PHF24: variants seen among roughly 807,000 people sequenced by gnomAD.
PHF24 encodes the protein Galpha inhibitory interacting protein.
PHF24 carries 25 observed loss-of-function variants against 42.6 expected under a neutral mutation model. The ratio of observed to expected loss-of-function variants is 0.59; its 90% CI spans 0.43 to 0.82. PHF24 has a LOEUF of 0.82. PHF24 is among the 40% of genes least tolerant of loss of function. PHF24 has a pLI of 0.00. For missense variants in PHF24, 470 were observed against 538.1 expected, an observed-to-expected ratio of 0.87 and a Z score of 1.25; for synonymous variants, 185 against 204.8, an observed-to-expected ratio of 0.90 and a Z score of 0.83.
At chr9:34,805,147 A>C in the PHF24 span, among the ~76,000 whole-genome samples, 1 of 152,210 alleles carries the variant, frequency 6.6e-6, no homozygotes, top group Non-Finnish European at 1.5e-5. Flanking sequence ...TTTGGCTATT[A>C]TAAATAATGC....
At chr9:34,665,726 C>T in the PHF24 span, 1 of 699,540 alleles carries the variant, frequency 1.4e-6, no homozygotes, top group East Asian at 2.7e-5. Flanking sequence ...GCCCCAGGTC[C>T]CCTTCTCCGT....
the PHF24 span, among the ~76,000 whole-genome samples, chr9:34,890,162 G>T: frequency 6.6e-6 from 1 of 152,170 alleles, no homozygotes; most frequent in African/African-American, 2.4e-5. Context: ...GATATATTTG[G>T]CAAGTTGTGA....
the PHF24 span, among the ~76,000 whole-genome samples, chr9:34,839,541 T>A: frequency 6.8e-6 from 1 of 147,322 alleles, no homozygotes; most frequent in Non-Finnish European, 1.5e-5. Context: ...TTCTGAATAT[T>A]CTTAGAAGGT....
At chr9:34,971,973 C>T (rs1296835259) in intron 2 of PHF24, among the ~76,000 whole-genome samples, 2 of 152,048 alleles carry the variant, frequency 1.3e-5, no homozygotes, top group African/African-American at 4.8e-5. Flanking sequence ...CTGCGGGAGG[C>T]AATTGGAAAT....
chr9:34,884,880 G>A, the PHF24 span, among the ~76,000 whole-genome samples: 4 of 152,162 alleles, frequency 2.6e-5, no homozygotes, highest in African/African-American at 7.2e-5. Context: ...TACAAAAGTC[G>A]AGCAATCATG....
the PHF24 span, among the ~76,000 whole-genome samples, chr9:34,878,968 G>A: frequency 6.6e-6 from 1 of 152,276 alleles, no homozygotes; most frequent in East Asian, 1.9e-4. Context: ...AGTAGGGGCC[G>A]ACTGACACCT....
the PHF24 span, chr9:34,922,128 A>C: frequency 7.0e-7 from 1 of 1,427,252 alleles, no homozygotes; most frequent in Non-Finnish European, 9.8e-7. Flanking sequence ...AGCATGGATG[A>C]CAAATGGTCT....
the PHF24 span, among the ~76,000 whole-genome samples, chr9:34,742,755 G>T: frequency 1.3e-5 from 2 of 151,596 alleles, no homozygotes; most frequent in Non-Finnish European, 2.9e-5. Flanking sequence ...TTTAAACAGG[G>T]TGAAAAATTA....
chr9:34,687,330 G>A, the PHF24 span, among the ~76,000 whole-genome samples: 1 of 152,144 alleles, frequency 6.6e-6, no homozygotes, highest in Admixed American at 6.5e-5. Flanking sequence ...AAGACTTTGT[G>A]GGGTGTCTAT....
chr9:34,724,007 G>A, the PHF24 span: 1 of 1,548,530 alleles, frequency 6.5e-7, no homozygotes. Flanking sequence ...GTCTTCAGCA[G>A]GGCGTCTCTC....
the PHF24 span, among the ~76,000 whole-genome samples, chr9:34,927,057 C>G: frequency 6.6e-6 from 1 of 152,190 alleles, no homozygotes; most frequent in Non-Finnish European, 1.5e-5. Flanking sequence ...AGCCACTCCA[C>G]TGGCCTGGGT....
the PHF24 span, among the ~76,000 whole-genome samples, chr9:34,745,449 C>A: frequency 4.0e-5 from 6 of 151,868 alleles, no homozygotes; most frequent in Admixed American, 3.9e-4. Context: ...AAAGAATTTA[C>A]TAGCTTTTCA....
the PHF24 span, among the ~76,000 whole-genome samples, chr9:34,765,477 T>A: frequency 6.6e-6 from 1 of 150,482 alleles, no homozygotes; most frequent in Non-Finnish European, 1.5e-5. Flanking sequence ...TCTCTTTTGA[T>A]CTTTGTTGGT....
At chr9:34,714,700 GCTGGAGTGATGCCCCCTCTACCTCCC>G in the PHF24 span, among the ~76,000 whole-genome samples, 15 of 152,192 alleles carry the variant, frequency 9.9e-5, no homozygotes, top group Non-Finnish European at 2.2e-4. Flanking sequence ...GGAAAGGAAA[GCTGGAGTGATGCCCCCTCTACCTCCC>G]CTGGAGGAGG....
intron 1 of PHF24, among the ~76,000 whole-genome samples, chr9:34,966,637 A>G (rs918784591): frequency 2.6e-5 from 4 of 151,998 alleles, no homozygotes; most frequent in Non-Finnish European, 4.4e-5. Context: ...CTCTTTTTTA[A>G]TAGCATGAAT....
At chr9:34,976,214 G>C in exon 4 of PHF24, 1 of 1,614,024 alleles carries the variant, frequency 6.2e-7, no homozygotes, top group South Asian at 1.1e-5. Context: ...CCTTTCAGCG[G>C]TGTAAAGTCA....
the PHF24 span, among the ~76,000 whole-genome samples, chr9:34,941,137 G>A: frequency 4.6e-5 from 7 of 152,150 alleles, no homozygotes; most frequent in African/African-American, 9.7e-5. Context: ...GTTCCTAGAC[G>A]CATGTATTCT....
the PHF24 span, among the ~76,000 whole-genome samples, chr9:34,908,635 A>G: frequency 1.2e-4 from 19 of 152,182 alleles, no homozygotes; most frequent in East Asian, 3.7e-3. Context: ...AGGGAACAGG[A>G]AACATCTATA....
chr9:34,942,644 C>A, the PHF24 span, among the ~76,000 whole-genome samples: 1 of 152,146 alleles, frequency 6.6e-6, no homozygotes, highest in Non-Finnish European at 1.5e-5. Context: ...TTCTGATCCT[C>A]TTTACTGATT....
Sources: allele counts gnomAD v4.1 joint callset (sites outside exome capture counted in the v4.1 genomes callset), GRCh38; gene constraint gnomAD v4.1.1; transcripts MANE v1.5; gene names NCBI Gene and HGNC (gene_info 2026-07-23, HGNC 2026-07-21).